The following MACROD1 variants were observed in gnomAD, a reference collection of about 807,000 sequenced individuals.
MACROD1 encodes mono-ADP ribosylhydrolase 1.
MACROD1 carries 31 observed loss-of-function variants against 41.4 expected under a neutral mutation model. The observed-to-expected ratio is 0.75, with a 90% CI of 0.56 to 1.01. MACROD1 has a LOEUF of 1.01. Ranked by LOEUF, MACROD1 falls within the 50% of genes least tolerant of loss-of-function variation. MACROD1 has a pLI of 0.00. For missense variants in MACROD1, 473 were observed against 460.0 expected, an observed-to-expected ratio of 1.03 and a Z score of -0.26; for synonymous variants, 252 against 203.4, an observed-to-expected ratio of 1.24 and a Z score of -2.03.
Position 64,036,613 on chromosome 11 carries a change from C to T in MACROD1, c.518-21332G>A, listed in dbSNP as rs1389890065. Among the ~76,000 whole-genome samples the T allele has an allele frequency of 6.6e-6, 1 of 152,194 alleles. No homozygotes were observed. The highest frequency in any genetic ancestry group is 1.9e-4 in the East Asian group (1 of 5,168). On this transcript the variant is annotated intron_variant, in intron 3 of 10. Coordinates refer to ENST00000255681, the MANE Select transcript of MACROD1 (RefSeq NM_014067.4). This position sits in a 1 kb window ranked among gnomAD's most constrained non-coding sequence, Gnocchi z 5.6. ...GCCGGCCGGCCTGGGCGCCGCGCTC[C>T]CGTCCCCACCAGCCGCGTGAGTCAC... is the stretch of plus-strand genomic sequence containing the variant.
intron 1 of MACROD1, among the ~76,000 whole-genome samples, chr11:64,153,058 T>C (rs943558064): frequency 2.0e-5 from 3 of 148,818 alleles, no homozygotes; most frequent in Non-Finnish European, 3.0e-5. Flanking sequence ...GGGACTTGAG[T>C]GAGGAGCCAG....
intron 3 of MACROD1, among the ~76,000 whole-genome samples, chr11:64,054,368 A>T (rs1425808350): frequency 2.6e-5 from 4 of 152,198 alleles, no homozygotes; most frequent in Non-Finnish European, 5.9e-5. Context: ...TCTCCAGGAG[A>T]CTGAGTGCTT....
intron 3 of MACROD1, among the ~76,000 whole-genome samples, chr11:64,056,819 T>A (rs185685164): frequency 2.0e-5 from 3 of 152,164 alleles, no homozygotes; most frequent in Non-Finnish European, 4.4e-5. Context: ...GCAAGGCCTG[T>A]CCCACCCCCT....
In MACROD1 at chr11:64,096,523, C is replaced by A. The variant is rs765250624; in HGVS notation, c.517+54716G>T. On this transcript the variant is annotated intron_variant, in intron 3 of 10. Transcript: ENST00000255681. This position sits in a 1 kb window ranked among gnomAD's most constrained non-coding sequence, Gnocchi z 4.6. ...CTCCGCCTTCCGGGTTCAAGCAATT[C>A]TCTTGCCTCAGCCCACCGAGTAGCT... Among the ~76,000 whole-genome samples the A allele has an allele frequency of 1.3e-5, 2 of 151,984 alleles. No homozygotes were observed. Among genetic ancestry groups the A allele is most frequent in the Non-Finnish European group, 2.9e-5 (2 of 67,978 alleles).
chr11:64,041,628 C>T (rs1243890146), intron 3 of MACROD1, among the ~76,000 whole-genome samples: 1 of 152,048 alleles, frequency 6.6e-6, no homozygotes, highest in Admixed American at 6.6e-5. Flanking sequence ...ACCGAATGAC[C>T]GCCTCGGGAG....
At chr11:64,124,615 C>T (rs1007361027) in intron 3 of MACROD1, among the ~76,000 whole-genome samples, 4 of 152,160 alleles carry the variant, frequency 2.6e-5, no homozygotes, top group African/African-American at 9.7e-5. Context: ...GTCAGGCCCC[C>T]TTTCTCACCA....
intron 3 of MACROD1, among the ~76,000 whole-genome samples, chr11:64,079,853 C>T (rs1260549187): frequency 6.6e-6 from 1 of 152,146 alleles, no homozygotes; most frequent in Non-Finnish European, 1.5e-5. Context: ...GAGCCAGCAA[C>T]AGCTCCAGAG....
intron 3 of MACROD1, among the ~76,000 whole-genome samples, chr11:64,102,914 A>G (rs1460673923): frequency 6.6e-6 from 1 of 152,086 alleles, no homozygotes; most frequent in Non-Finnish European, 1.5e-5. Flanking sequence ...TAAAATTAAA[A>G]AAAAAAATTA....
intron 4 of MACROD1, among the ~76,000 whole-genome samples, chr11:64,010,132 G>GGTTGGCTGGGGTGTTGGTTGGGGT (rs1942980543): frequency 9.4e-6 from 1 of 106,254 alleles, no homozygotes; most frequent in Non-Finnish European, 2.0e-5. Context: ...TTGGTTGGGG[G>GGTTGGCTGGGGTGTTGGTTGGGGT]GTTGGTTGGG....
chr11:64,088,465 G>T (rs1173994135), intron 3 of MACROD1, among the ~76,000 whole-genome samples: 1 of 152,180 alleles, frequency 6.6e-6, no homozygotes, highest in South Asian at 2.1e-4. Flanking sequence ...CTGGGGCAGG[G>T]CAGGCGCTCA....
intron 1 of MACROD1, among the ~76,000 whole-genome samples, chr11:64,158,497 G>A (rs1945703473): frequency 6.6e-6 from 1 of 152,066 alleles, no homozygotes; most frequent in Admixed American, 6.5e-5. Flanking sequence ...TCCCACCTTG[G>A]CCCCTAAAGT....
At chr11:64,008,611 G>C (rs1942953667) in intron 4 of MACROD1, among the ~76,000 whole-genome samples, 1 of 152,158 alleles carries the variant, frequency 6.6e-6, no homozygotes, top group Non-Finnish European at 1.5e-5. Context: ...AAGACAGTGA[G>C]GGAAGCCCAG....
At chr11:64,097,767 C>G (rs945290270) in intron 3 of MACROD1, among the ~76,000 whole-genome samples, 6 of 152,180 alleles carry the variant, frequency 3.9e-5, no homozygotes, top group African/African-American at 1.4e-4. Flanking sequence ...TGGGGTGGGC[C>G]CATCTCACAG....
intron 3 of MACROD1, among the ~76,000 whole-genome samples, chr11:64,134,507 C>T (rs1945306278): frequency 6.6e-6 from 1 of 152,196 alleles, no homozygotes; most frequent in Admixed American, 6.5e-5. Flanking sequence ...GTGGCGGCAG[C>T]AGCCCCGCTG....
chr11:64,117,409 C>T lies in MACROD1; in HGVS notation c.517+33830G>A, dbSNP rs773930935. 45 of 1,611,994 alleles carry T rather than the reference C, an allele frequency of 2.8e-5. 1 individual carries two copies. Among genetic ancestry groups the T allele is most frequent in the South Asian group, 7.7e-5 (7 of 91,002 alleles). ...AGCGAGATGGACGAGTGTTTTGAGA[C>T]GGGGCCGCAGGGCGGCGTGGCCAAT... On this transcript the variant is annotated intron_variant, in intron 3 of 10. Coordinates refer to ENST00000255681, the MANE Select transcript of MACROD1 (RefSeq NM_014067.4).
chr11:64,112,706 C>T (rs1308645901), intron 3 of MACROD1, among the ~76,000 whole-genome samples: 1 of 152,134 alleles, frequency 6.6e-6, no homozygotes. Context: ...AGGCAGAGAG[C>T]ACAGCACTTG....
intron 1 of MACROD1, among the ~76,000 whole-genome samples, chr11:64,163,029 G>C (rs1353566249): frequency 6.6e-6 from 1 of 152,130 alleles, no homozygotes; most frequent in Non-Finnish European, 1.5e-5. Flanking sequence ...GCTGAGGCAG[G>C]AAAATCACTT....
At position 64,066,573 on chromosome 11, in the gene MACROD1, C is replaced by A. The variant is rs139758244; in HGVS notation, c.518-51292G>T. Among the ~76,000 whole-genome samples, 715 of 151,554 alleles carry A rather than the reference C, an allele frequency of 4.7e-3. 5 individuals are homozygous for A. Among genetic ancestry groups the A allele is most frequent in the African/African-American group, 0.014 (587 of 41,262 alleles). ...GGTCAAGGCTACAGTGCAGTATGATCCTACCTGTGAATAGCCACTGCATTC... is the reference window on the plus strand; with the variant it reads ...GGTCAAGGCTACAGTGCAGTATGATACTACCTGTGAATAGCCACTGCATTC... On this transcript the variant is annotated intron_variant, in intron 3 of 10. Coordinates refer to ENST00000255681, the MANE Select transcript of MACROD1 (RefSeq NM_014067.4).
intron 3 of MACROD1, among the ~76,000 whole-genome samples, chr11:64,056,204 C>T (rs1382960600): frequency 6.6e-6 from 1 of 152,120 alleles, no homozygotes; most frequent in Non-Finnish European, 1.5e-5. Flanking sequence ...GGTGTCTTTG[C>T]CCATTTGGCT....
Sources: gnomAD v4.1 joint callset for allele counts (sites outside exome capture counted in the v4.1 genomes callset) on GRCh38, gnomAD v4.1.1 for gene constraint, Gnocchi (gnomAD v3.1) non-coding constraint, MANE v1.5 for transcripts, NCBI Gene and HGNC (gene_info 2026-07-23, HGNC 2026-07-21) for gene names.